CNTN4: variants seen among roughly 807,000 people sequenced by gnomAD.
CNTN4 encodes contactin 4.
In CNTN4, 77 loss-of-function variants were observed where a neutral mutation model predicts 122.5. The observed-to-expected ratio is 0.63, with a 90% CI of 0.52 to 0.76. The LOEUF (loss-of-function observed/expected upper bound fraction) is 0.76, where lower values mean the gene tolerates loss of function less well. Ranked by LOEUF, CNTN4 falls within the 30% of genes least tolerant of loss-of-function variation. The probability of loss-of-function intolerance (pLI) is 0.00; values close to 1 mark genes in which losing one functional copy is unlikely to be tolerated. For missense variants in CNTN4, 1,256 were observed against 1,259.1 expected (o/e 1.00, Z 0.04); for synonymous variants, 512 against 447.0 (o/e 1.15, Z -1.83).
intron 7 of CNTN4, among the ~76,000 whole-genome samples, chr3:2,820,947 A>AAC: frequency 7.6e-6 from 1 of 131,406 alleles, no homozygotes; most frequent in South Asian, 2.4e-4. Context: ...TCTCACATGC[A>AAC]ACATTTTCTC....
intron 12 of CNTN4, among the ~76,000 whole-genome samples, chr3:2,908,592 C>T (rs553672173): frequency 6.6e-6 from 1 of 152,294 alleles, no homozygotes; most frequent in East Asian, 1.9e-4. Flanking sequence ...GACCCATTTC[C>T]ACCTTGAGAT....
At chr3:2,670,861 T>C (rs895839927) in intron 4 of CNTN4, among the ~76,000 whole-genome samples, 1 of 152,212 alleles carries the variant, frequency 6.6e-6, no homozygotes, top group African/African-American at 2.4e-5. Context: ...GAAGCTTAGT[T>C]TGGCTGGATA....
chr3:2,794,985 G>A lies in CNTN4; in HGVS notation c.359-24501G>A, dbSNP rs573072661. ...ACTTCCAGATACACTTTGGGGTTAG[G>A]ATTTTAACAGAGAATTTGAGGGGTG... On this transcript the variant is annotated intron_variant, in intron 6 of 24. Coordinates refer to ENST00000418658, the MANE Select transcript of CNTN4 (RefSeq NM_175607.3). 4.6e-5 allele frequency among the ~76,000 whole-genome samples: 7 copies of A among 151,952 alleles called. No homozygotes were observed. In the East Asian group the frequency reaches 1.4e-3, roughly 29 times the overall value.
intron 4 of CNTN4, among the ~76,000 whole-genome samples, chr3:2,604,721 G>C (rs921513441): frequency 2.0e-5 from 3 of 152,126 alleles, no homozygotes; most frequent in South Asian, 2.1e-4. Context: ...ACATATTTAA[G>C]AGATACAACT....
At chr3:2,642,830 T>A (rs1370052697) in intron 4 of CNTN4, among the ~76,000 whole-genome samples, 1 of 152,204 alleles carries the variant, frequency 6.6e-6, no homozygotes, top group African/African-American at 2.4e-5. Flanking sequence ...AAACTTTGTC[T>A]GCCCCTCAAG....
chr3:2,531,035 A>G (rs1012669633), intron 3 of CNTN4, among the ~76,000 whole-genome samples: 1 of 152,192 alleles, frequency 6.6e-6, no homozygotes, highest in Non-Finnish European at 1.5e-5. Flanking sequence ...TACTATCTCT[A>G]CTAACAGAAG....
chr3:2,219,498 C>G (rs1401139045), intron 2 of CNTN4, among the ~76,000 whole-genome samples: 1 of 152,068 alleles, frequency 6.6e-6, no homozygotes, highest in Middle Eastern at 3.2e-3. Flanking sequence ...GCATCCTTTT[C>G]CTGTTTATTA....
chr3:2,157,987 A>G (rs1447995989), intron 2 of CNTN4, among the ~76,000 whole-genome samples: 2 of 152,222 alleles, frequency 1.3e-5, no homozygotes, highest in Non-Finnish European at 2.9e-5. Flanking sequence ...TTGTCATGAA[A>G]TTAGAGTGGA....
chr3:2,866,661 A>T, intron 7 of CNTN4, 91 bp from the exon 8 acceptor site: 1 of 1,305,176 alleles, frequency 7.7e-7, no homozygotes, highest in South Asian at 1.2e-5. Flanking sequence ...ACAACAATGT[A>T]TACATTTTTA....
intron 2 of CNTN4, among the ~76,000 whole-genome samples, chr3:2,218,241 A>G (rs2038925725): frequency 6.6e-6 from 1 of 152,256 alleles, no homozygotes; most frequent in African/African-American, 2.4e-5. Context: ...ATTTTAATGT[A>G]CAAGTAGTAA....
intron 3 of CNTN4, among the ~76,000 whole-genome samples, chr3:2,453,115 A>G (rs1180535852): frequency 6.6e-6 from 1 of 152,160 alleles, no homozygotes; most frequent in African/African-American, 2.4e-5. Context: ...GGTAATGATA[A>G]ATGACAGTGA....
At chr3:2,625,312 T>A (rs1195140615) in intron 4 of CNTN4, among the ~76,000 whole-genome samples, 1 of 152,188 alleles carries the variant, frequency 6.6e-6, no homozygotes, top group African/African-American at 2.4e-5. Flanking sequence ...TTGTATATTC[T>A]ATTCTAAAAC....
intron 10 of CNTN4, among the ~76,000 whole-genome samples, chr3:2,893,719 A>C (rs1326787774): frequency 6.6e-6 from 1 of 152,076 alleles, no homozygotes; most frequent in East Asian, 1.9e-4. Flanking sequence ...AAGTCATCTC[A>C]CTCTATAGTC....
At chr3:2,186,681 G>C (rs1316811388) in intron 2 of CNTN4, among the ~76,000 whole-genome samples, 10 of 152,214 alleles carry the variant, frequency 6.6e-5, no homozygotes, top group African/African-American at 2.2e-4. Context: ...CTGATGGTCA[G>C]TGATGATGAG....
chr3:2,880,833 G>T (rs940852371), intron 8 of CNTN4, among the ~76,000 whole-genome samples: 1 of 152,178 alleles, frequency 6.6e-6, no homozygotes, highest in Non-Finnish European at 1.5e-5. Context: ...TGAGATTACA[G>T]CCTTGCTTGT....
At chr3:2,216,577 A>G (rs1301175020) in intron 2 of CNTN4, among the ~76,000 whole-genome samples, 1 of 152,182 alleles carries the variant, frequency 6.6e-6, no homozygotes, top group Non-Finnish European at 1.5e-5. Flanking sequence ...ACATGAATCA[A>G]CACCTAGAAT....
intron 13 of CNTN4, among the ~76,000 whole-genome samples, chr3:2,981,421 G>A (rs1271802335): frequency 2.6e-5 from 4 of 152,092 alleles, no homozygotes; most frequent in South Asian, 2.1e-4. Context: ...TCCAGCCTGG[G>A]CGACAGAGCG....
At chr3:2,383,972 A>G (rs1460581732) in intron 3 of CNTN4, among the ~76,000 whole-genome samples, 1 of 152,170 alleles carries the variant, frequency 6.6e-6, no homozygotes, top group Admixed American at 6.5e-5. Context: ...CAACCATTTG[A>G]TACCTATGAC....
intron 3 of CNTN4, among the ~76,000 whole-genome samples, chr3:2,559,153 G>T (rs1017083745): frequency 6.6e-6 from 1 of 152,126 alleles, no homozygotes. Flanking sequence ...CACATTCAGG[G>T]TTTCTGCTGT....
Sources: allele counts gnomAD v4.1 joint callset (sites outside exome capture counted in the v4.1 genomes callset), GRCh38; gene constraint gnomAD v4.1.1; transcripts MANE v1.5; gene names NCBI Gene and HGNC (gene_info 2026-07-23, HGNC 2026-07-21).